Variants in OPCML observed in about 807,000 individuals in gnomAD.
The protein encoded by OPCML is opioid binding protein/cell adhesion molecule like.
A neutral mutation model predicts 37.8 loss-of-function variants in OPCML; 13 were observed. The observed-to-expected ratio is 0.34, with a 90% CI of 0.22 to 0.55. OPCML has a LOEUF of 0.55. Among genes scored for constraint, OPCML ranks in the 20% least tolerant of loss-of-function variants. The pLI, the probability that OPCML is intolerant of heterozygous loss-of-function variation, is 0.91. For missense variants in OPCML, 341 were observed against 435.6 expected, an observed-to-expected ratio of 0.78 and a Z score of 1.93; for synonymous variants, 176 against 168.8, an observed-to-expected ratio of 1.04 and a Z score of -0.33.
chr11:132,646,741 G>C (rs962494078), intron 3 of OPCML, among the ~76,000 whole-genome samples: 1 of 152,148 alleles, frequency 6.6e-6, no homozygotes, highest in Non-Finnish European at 1.5e-5. Context: ...TGCGAATTAC[G>C]AGAAGAGGAA....
At chr11:133,096,461 CA>C (rs1050604306) in intron 1 of OPCML, among the ~76,000 whole-genome samples, 2 of 151,064 alleles carry the variant, frequency 1.3e-5, no homozygotes, top group Non-Finnish European at 1.5e-5. Context: ...GTGTGGAAGA[CA>C]AAAAAATAGG....
chr11:133,454,113 A>G (rs1221797923), intron 1 of OPCML, among the ~76,000 whole-genome samples: 1 of 152,204 alleles, frequency 6.6e-6, no homozygotes, highest in Non-Finnish European at 1.5e-5. Flanking sequence ...TTCATATCAG[A>G]AGGACCAAAT....
At chr11:132,680,605 C>T (rs370573215) in intron 2 of OPCML, among the ~76,000 whole-genome samples, 195 of 152,288 alleles carry the variant, frequency 1.3e-3, no homozygotes, top group African/African-American at 4.1e-3. Flanking sequence ...GCTGCGGCCA[C>T]GCTACCTCAG....
intron 1 of OPCML, among the ~76,000 whole-genome samples, chr11:132,949,637 C>A (rs925174223): frequency 6.6e-5 from 10 of 152,074 alleles, no homozygotes; most frequent in Admixed American, 5.2e-4. Context: ...AAGAAAGAAA[C>A]CAATTTAAAA....
chr11:132,485,308 T>A (rs2137040251), intron 4 of OPCML, among the ~76,000 whole-genome samples: 1 of 152,280 alleles, frequency 6.6e-6, no homozygotes, highest in Admixed American at 6.5e-5. Flanking sequence ...AGCTAACAGG[T>A]CTCACAGTGC....
chr11:132,584,342 T>A (rs1486709948), intron 3 of OPCML, among the ~76,000 whole-genome samples: 2 of 152,152 alleles, frequency 1.3e-5, no homozygotes, highest in Non-Finnish European at 2.9e-5. Context: ...GGGAAGCCAA[T>A]CTATTAATGA....
At chr11:132,586,209 C>A (rs773207075) in intron 3 of OPCML, among the ~76,000 whole-genome samples, 1 of 152,170 alleles carries the variant, frequency 6.6e-6, no homozygotes, top group Non-Finnish European at 1.5e-5. Flanking sequence ...TTTGTACATG[C>A]CTCTGCCCCA....
Position 133,487,775 on chromosome 11 carries a change from T to TTGTGTG in OPCML, c.61+44483_61+44488dup, listed in dbSNP as rs10625092. 3.4e-3 allele frequency among the ~76,000 whole-genome samples: 496 copies of TTGTGTG among 147,444 alleles called. 3 individuals are homozygous for TTGTGTG. Among genetic ancestry groups the TTGTGTG allele is most frequent in the African/African-American group, 0.011 (436 of 40,476 alleles). On this transcript the variant is annotated intron_variant, in intron 1 of 7. Transcript: ENST00000524381. Reference sequence around the variant, plus strand: ...TCAATATTGCAGAGATACTCTGTGTTTGTGTGTGTGTGTGTGTGTGTGTGT... The same window carrying TTGTGTG: ...TCAATATTGCAGAGATACTCTGTGTTTGTGTGTGTGTGTGTGTGTGTGTGTGTGTGT...
chr11:133,510,102 T>C (rs1377606359), intron 1 of OPCML, among the ~76,000 whole-genome samples: 1 of 152,182 alleles, frequency 6.6e-6, no homozygotes, highest in African/African-American at 2.4e-5. Context: ...ACCCAGCCTG[T>C]TCTGAGCTGG....
chr11:133,149,439 C>G (rs750955281), intron 1 of OPCML, among the ~76,000 whole-genome samples: 1 of 152,322 alleles, frequency 6.6e-6, no homozygotes, highest in South Asian at 2.1e-4. Context: ...CAGGCAACTG[C>G]TAGGCTTCCC....
chr11:133,148,601 C>T (rs958500758), intron 1 of OPCML, among the ~76,000 whole-genome samples: 5 of 152,262 alleles, frequency 3.3e-5, no homozygotes, highest in African/African-American at 1.2e-4. Context: ...CACTTCATTG[C>T]TCGCTCCATC....
chr11:133,488,120 A>G (rs1210045904), intron 1 of OPCML, among the ~76,000 whole-genome samples: 2 of 152,192 alleles, frequency 1.3e-5, no homozygotes, highest in Admixed American at 6.5e-5. Context: ...ACACCTCAAC[A>G]TAATAAAGGA....
At chr11:133,273,297 T>A (rs1453074648) in intron 1 of OPCML, among the ~76,000 whole-genome samples, 2 of 152,130 alleles carry the variant, frequency 1.3e-5, no homozygotes, top group Admixed American at 1.3e-4. Flanking sequence ...ACCAGGCCTC[T>A]GGACTGCAAA....
At chr11:132,970,266 G>C (rs952247025) in intron 1 of OPCML, among the ~76,000 whole-genome samples, 1 of 152,028 alleles carries the variant, frequency 6.6e-6, no homozygotes, top group East Asian at 1.9e-4. Context: ...GAATTATATA[G>C]GCACATACGA....
chr11:132,882,518 T>C (rs1591750343), intron 2 of OPCML, among the ~76,000 whole-genome samples: 1 of 152,198 alleles, frequency 6.6e-6, no homozygotes, highest in Non-Finnish European at 1.5e-5. Context: ...GAATCACTCA[T>C]TGATATGTTT....
chr11:133,158,708 T>TAAAAAAAA (rs1387266864), intron 1 of OPCML, among the ~76,000 whole-genome samples: 28,821 of 107,394 alleles, frequency 0.27, 3,267 homozygotes, highest in African/African-American at 0.37. Context: ...AAAAATAAAA[T>TAAAAAAAA]TAAAAAAATA....
intron 2 of OPCML, among the ~76,000 whole-genome samples, chr11:132,839,833 T>TA (rs1471666376): frequency 6.6e-6 from 1 of 152,208 alleles, no homozygotes; most frequent in Non-Finnish European, 1.5e-5. Flanking sequence ...CTAATTGAAA[T>TA]AAAATCATTT....
At chr11:132,724,087 A>G (rs1436081222) in intron 2 of OPCML, among the ~76,000 whole-genome samples, 1 of 152,130 alleles carries the variant, frequency 6.6e-6, no homozygotes, top group Non-Finnish European at 1.5e-5. Context: ...ATTGTGGGTC[A>G]TTACTCAAGA....
chr11:132,512,672 CAT>C (rs202137420), intron 4 of OPCML, among the ~76,000 whole-genome samples: 1,726 of 151,758 alleles, frequency 0.011, 15 homozygotes, highest in Non-Finnish European at 0.018. Flanking sequence ...TTCATATACA[CAT>C]GTTTTAAATA....
Sources: gnomAD v4.1 joint callset for allele counts (sites outside exome capture counted in the v4.1 genomes callset) on GRCh38, gnomAD v4.1.1 for gene constraint, MANE v1.5 for transcripts, NCBI Gene and HGNC (gene_info 2026-07-23, HGNC 2026-07-21) for gene names.